CYP27A1: variants seen among roughly 807,000 people sequenced by gnomAD.
CYP27A1 encodes the protein sterol 26-hydroxylase, mitochondrial.
A neutral mutation model predicts 58.2 loss-of-function variants in CYP27A1; 46 were observed. That is an observed-to-expected ratio of 0.79 (90% confidence interval 0.62 to 1.01). The LOEUF is 1.01. Ranked by LOEUF, CYP27A1 falls within the 50% of genes least tolerant of loss-of-function variation. CYP27A1 has a pLI of 0.00. For synonymous variants in CYP27A1, 274 were observed against 285.1 expected (o/e 0.96, Z 0.39); for missense variants, 704 against 687.0 (o/e 1.02, Z -0.28).
intron 1 of CYP27A1, among the ~76,000 whole-genome samples, chr2:218,802,722 T>C (rs1018293993): frequency 2.0e-4 from 31 of 152,364 alleles, no homozygotes; most frequent in Non-Finnish European, 1.5e-4. Context: ...ACTGTTATTT[T>C]CTTTTTTTCT....
At chr2:218,805,855 A>G (rs1198002327) in intron 1 of CYP27A1, 2 of 152,196 alleles carry the variant, frequency 1.3e-5, no homozygotes, top group African/African-American at 4.8e-5. Context: ...GTCTTTCTAA[A>G]ATAACTTCTT....
At position 218,796,500 on chromosome 2, in the gene CYP27A1, AG is replaced by A. The variant is rs1559387880; in HGVS notation, c.256-13075del. Among the ~76,000 whole-genome samples, 7 of 152,286 alleles carry A rather than the reference AG, an allele frequency of 4.6e-5. No individual in the cohort carries two copies. The South Asian group carries it at 1.0e-3, about 23-fold the overall frequency. ...TTCCAGCTACTTGGGAAGCTGAGGCAGGAGAATCACTTGAACCCGGGAGGCA... is the reference window on the plus strand; with the variant it reads ...TTCCAGCTACTTGGGAAGCTGAGGCAGAGAATCACTTGAACCCGGGAGGCA... On this transcript the variant is annotated intron_variant, in intron 1 of 8. Coordinates refer to ENST00000258415, the MANE Select transcript of CYP27A1 (RefSeq NM_000784.4).
intron 1 of CYP27A1, among the ~76,000 whole-genome samples, chr2:218,797,111 T>G (rs1371943418): frequency 1.3e-5 from 2 of 152,230 alleles, no homozygotes; most frequent in Non-Finnish European, 2.9e-5. Context: ...TAATTTTTTT[T>G]TGAGATGGAG....
At position 218,786,503 on chromosome 2, in the gene CYP27A1, G is replaced by A. The variant is rs77183046; in HGVS notation, c.255+4066G>A. On this transcript the variant is annotated intron_variant, in intron 1 of 8. Transcript: ENST00000258415. ...GTAGGAATTAGGACATGTAAAAGTC[G>A]TACTACATAAATGCCAATGCCAGTG... 2.8e-4 allele frequency among the ~76,000 whole-genome samples: 42 copies of A among 152,310 alleles called. No homozygotes were observed. The East Asian group carries it at 5.8e-3, about 21-fold the overall frequency.
At chr2:218,809,902 A>C in intron 2 of CYP27A1, 135 bp downstream of exon 2, 1 of 762,878 alleles carries the variant, frequency 1.3e-6, no homozygotes, top group African/African-American at 1.7e-5. Context: ...TCTAGAGAGC[A>C]GTTGTTGGGA....
intron 1 of CYP27A1, among the ~76,000 whole-genome samples, chr2:218,791,356 C>T (rs370793582): frequency 8.5e-5 from 13 of 152,172 alleles, no homozygotes; most frequent in African/African-American, 2.7e-4. Context: ...TGTCTTCCAT[C>T]TATCAAGGCA....
chr2:218,809,811 C>T, intron 2 of CYP27A1, 44 bp downstream of exon 2: 1 of 1,583,840 alleles, frequency 6.3e-7, no homozygotes, highest in East Asian at 2.2e-5. Context: ...CCCAGAGGGC[C>T]AGGGCGAAAG....
rs201107032 is a variant in CYP27A1 at position 218,814,579 on chromosome 2, G to A, written c.1298G>A (p.Arg433Gln). 32 of 1,614,156 alleles carry A rather than the reference G, an allele frequency of 2.0e-5. No homozygotes were observed. The highest frequency in any genetic ancestry group is 6.7e-5 in the East Asian group (3 of 44,876). Reference sequence around the variant, plus strand: ...GTGTTCTGCCACTATGTGGTGTCCCGGGACCCCACTGCCTTCTCTGAGCCT... The same window carrying A: ...GTGTTCTGCCACTATGTGGTGTCCCAGGACCCCACTGCCTTCTCTGAGCCT... ...QFVFCHYVVS[R>Q]DPTAFSEPES... Residue 433 changes from arginine (R) to glutamine (Q), a missense_variant, in exon 8 of 9, where the codon CGG (arginine) becomes CAG (glutamine). Arg to Gln is a conservative substitution (Grantham distance 43). Transcript: ENST00000258415.
chr2:218,814,034 T>C lies in CYP27A1; in HGVS notation c.1031T>C (p.Leu344Pro). The change falls in exon 6 of 9, where the codon CTG becomes CCG. Residue 344 changes from leucine to proline, a missense_variant. By Grantham distance (98) the Leu-to-Pro change is moderately conservative. Transcript: ENST00000258415. ...MAGVDTTSNTLTWALYHLSKD... is the reference protein window; with the variant it reads ...MAGVDTTSNTPTWALYHLSKD... Reference sequence around the variant, plus strand: ...TCTATCTTCTAGACATCCAACACGCTGACATGGGCCCTGTACCACCTCTCA... The same window carrying C: ...TCTATCTTCTAGACATCCAACACGCCGACATGGGCCCTGTACCACCTCTCA... The C allele has an allele frequency of 6.2e-7, 1 of 1,614,238 alleles. No homozygotes were observed. Among genetic ancestry groups the C allele is most frequent in the Non-Finnish European group, 8.5e-7 (1 of 1,180,040 alleles).
intron 5 of CYP27A1, 74 bp downstream of exon 5, chr2:218,813,170 T>C: frequency 1.4e-6 from 2 of 1,386,278 alleles, no homozygotes; most frequent in Non-Finnish European, 2.0e-6. Context: ...ATCCCTCACC[T>C]GATCCCGACC....
chr2:218,790,555 T>A (rs1452001359), intron 1 of CYP27A1, among the ~76,000 whole-genome samples: 1 of 152,238 alleles, frequency 6.6e-6, no homozygotes, highest in African/African-American at 2.4e-5. Context: ...GCTGCATAGA[T>A]ACTTCCCTGT....
chr2:218,789,189 A>C (rs1943467647), intron 1 of CYP27A1, among the ~76,000 whole-genome samples: 1 of 152,240 alleles, frequency 6.6e-6, no homozygotes, highest in Admixed American at 6.5e-5. Flanking sequence ...TAAATGTCCC[A>C]TAGTAGGGGG....
At chr2:218,794,830 G>A (rs973055858) in intron 1 of CYP27A1, among the ~76,000 whole-genome samples, 3 of 152,162 alleles carry the variant, frequency 2.0e-5, no homozygotes, top group Non-Finnish European at 4.4e-5. Flanking sequence ...ATTTGAAAGG[G>A]TACAGACTGA....
chr2:218,783,076 G>T (rs1224070728), intron 1 of CYP27A1, among the ~76,000 whole-genome samples: 2 of 151,878 alleles, frequency 1.3e-5, no homozygotes, highest in Non-Finnish European at 2.9e-5. Context: ...GGCCAACATG[G>T]TGAAACCCCA....
intron 1 of CYP27A1, among the ~76,000 whole-genome samples, chr2:218,791,190 C>A (rs1230820207): frequency 1.3e-5 from 2 of 152,172 alleles, no homozygotes; most frequent in Non-Finnish European, 2.9e-5. Context: ...GAAAAAAGGA[C>A]CTAATACATG....
Position 218,814,038 on chromosome 2 carries a change from A to T in CYP27A1, c.1035A>T (p.Thr345=). 6.2e-7 allele frequency: 1 copy of T among 1,614,194 alleles called. No homozygotes were observed. ...TCTTCTAGACATCCAACACGCTGAC[A>T]TGGGCCCTGTACCACCTCTCAAAGG... is the stretch of plus-strand genomic sequence containing the variant. ...AGVDTTSNTL[T]WALYHLSKDP... Residue 345 remains threonine (T), a synonymous_variant, in exon 6 of 9, where the codon ACA becomes ACT. Transcript: ENST00000258415.
Position 218,782,563 on chromosome 2 carries a change from T to C in CYP27A1, c.255+126T>C. 8.0e-7 allele frequency: 1 copy of C among 1,251,142 alleles called. No homozygotes were observed. The highest frequency in any genetic ancestry group is 1.2e-6 in the Non-Finnish European group (1 of 867,734). 77.5% of individuals were successfully genotyped at this position (1,251,142 alleles called of 1,614,324 possible). A position where few individuals can be genotyped will look rare whatever the true frequency, so the allele number is the denominator to read the frequency against. On this transcript the variant is annotated intron_variant, in intron 1 of 8. Transcript: ENST00000258415. The surrounding 1 kb of genome is among the most constrained non-coding windows in gnomAD (Gnocchi z 4.1). ...CTCAGCTGGGGACCCACTGAGGCTA[T>C]GGTCATAAACTGGAAATCAGTAGGG...
chr2:218,804,844 G>A (rs1943635283), intron 1 of CYP27A1, among the ~76,000 whole-genome samples: 2 of 152,192 alleles, frequency 1.3e-5, no homozygotes, highest in African/African-American at 2.4e-5. Flanking sequence ...CAGACTGGAT[G>A]GCTTAAACAA....
intron 1 of CYP27A1, among the ~76,000 whole-genome samples, chr2:218,804,199 C>G (rs1222745423): frequency 5.3e-5 from 8 of 152,058 alleles, no homozygotes; most frequent in African/African-American, 1.7e-4. Flanking sequence ...GATTGTTGAT[C>G]CATTTTGAAT....
Sources: allele counts gnomAD v4.1 joint callset (sites outside exome capture counted in the v4.1 genomes callset), GRCh38; gene constraint gnomAD v4.1.1; non-coding constraint Gnocchi (gnomAD v3.1); transcripts MANE v1.5; gene names NCBI Gene and HGNC (gene_info 2026-07-23, HGNC 2026-07-21).